Variants in TNN observed in about 807,000 individuals in gnomAD.
TNN encodes tenascin N.
TNN carries 122 observed loss-of-function variants against 134.4 expected under a neutral mutation model. The observed-to-expected ratio is 0.91, with a 90% CI of 0.78 to 1.06. The LOEUF is 1.06. TNN is among the 50% of genes least tolerant of loss of function. The pLI is 0.00. For missense variants in TNN, 1,739 were observed against 1,699.4 expected, an observed-to-expected ratio of 1.02 and a Z score of -0.41; for synonymous variants, 710 against 670.3, an observed-to-expected ratio of 1.06 and a Z score of -0.91.
intron 9 of TNN, among the ~76,000 whole-genome samples, chr1:175,098,875 T>A (rs744008): frequency 0.53 from 80,637 of 151,868 alleles, 22,097 homozygotes; most frequent in African/African-American, 0.69. Flanking sequence ...TAACTGCTTC[T>A]CCTTGACAAG....
chr1:175,117,007 C>T lies in TNN; in HGVS notation c.2188C>T (p.Pro730Ser), dbSNP rs766432540. 3 of 1,614,194 alleles carry T rather than the reference C, an allele frequency of 1.9e-6. No homozygotes were observed. In the Admixed American group the frequency reaches 5.0e-5, roughly 27 times the overall value. The change falls in exon 10 of 19, where the codon CCG becomes TCG. Residue 730 changes from proline to serine, a missense_variant. Transcript: ENST00000239462. ...GAATATGGCCACTGTCTCCTGGGAC[C>T]CGGTGCGGGCCACCATTGACAGGTA... ...TENMATVSWD[P>S]VRATIDRYVV...
chr1:175,072,421 T>A (rs1207186741), intron 1 of TNN, among the ~76,000 whole-genome samples: 1 of 152,190 alleles, frequency 6.6e-6, no homozygotes, highest in Non-Finnish European at 1.5e-5. Flanking sequence ...CAACTTTCCA[T>A]GGGAAAATAC....
At chr1:175,104,291 G>A (rs1313422148) in intron 9 of TNN, among the ~76,000 whole-genome samples, 2 of 145,144 alleles carry the variant, frequency 1.4e-5, no homozygotes, top group Admixed American at 6.9e-5. Flanking sequence ...ACATACCCAG[G>A]GCTCAGTGAG....
At chr1:175,132,791 C>T (rs1002477404) in intron 15 of TNN, among the ~76,000 whole-genome samples, 4 of 152,194 alleles carry the variant, frequency 2.6e-5, no homozygotes, top group Non-Finnish European at 4.4e-5. Flanking sequence ...TCCATGGTGC[C>T]CCACTCCTTG....
chr1:175,125,757 C>CTT (rs1421379380), intron 12 of TNN, among the ~76,000 whole-genome samples: 4 of 139,454 alleles, frequency 2.9e-5, no homozygotes, highest in African/African-American at 2.7e-5. Flanking sequence ...TTCTTTCTTT[C>CTT]TCTCTCTCTC....
At chr1:175,070,029 G>T (rs569637619) in intron 1 of TNN, among the ~76,000 whole-genome samples, 54 of 152,296 alleles carry the variant, frequency 3.5e-4, no homozygotes, top group Admixed American at 8.5e-4. Flanking sequence ...TCATTCTGGG[G>T]ACTGGCTGTT....
chr1:175,082,778 G>C (rs1251115068), intron 4 of TNN, among the ~76,000 whole-genome samples: 2 of 152,140 alleles, frequency 1.3e-5, no homozygotes, highest in African/African-American at 2.4e-5. Flanking sequence ...GTGGGGGCGT[G>C]ACTGATGAAG....
chr1:175,109,754 A>G (rs1033225601), intron 9 of TNN, among the ~76,000 whole-genome samples: 2 of 151,154 alleles, frequency 1.3e-5, no homozygotes, highest in African/African-American at 4.9e-5. Context: ...TTATCCATCC[A>G]CTAGTGGACA....
intron 1 of TNN, among the ~76,000 whole-genome samples, chr1:175,076,910 T>C (rs1359386522): frequency 6.6e-6 from 1 of 152,154 alleles, no homozygotes; most frequent in Admixed American, 6.6e-5. Context: ...CAACAAACAA[T>C]TGTGAGAATG....
chr1:175,113,324 G>A (rs990820707), intron 9 of TNN, among the ~76,000 whole-genome samples: 1 of 152,188 alleles, frequency 6.6e-6, no homozygotes, highest in African/African-American at 2.4e-5. Flanking sequence ...CTTGCTGGGT[G>A]TGGTATTCTC....
chr1:175,092,957 C>G (rs531458691), intron 6 of TNN, among the ~76,000 whole-genome samples: 76 of 152,324 alleles, frequency 5.0e-4, no homozygotes, highest in African/African-American at 1.8e-3. Context: ...ACCACTGAAG[C>G]AGCCTCCTGT....
At chr1:175,114,918 G>A (rs536410705) in intron 9 of TNN, among the ~76,000 whole-genome samples, 1 of 152,018 alleles carries the variant, frequency 6.6e-6, no homozygotes, top group African/African-American at 2.4e-5. Flanking sequence ...TCTCTGTAAG[G>A]CCAGATGCAG....
rs770161160 is a variant in TNN, at chr1:175,085,404, G to T, written c.1235-1G>T. The stretch of plus-strand genomic sequence containing the variant: ...ATCCTGCGCTGCCTGCTTGTTTCCA[G>T]GTCTGCACCCGGGGACTGAGTATAA... On this transcript the variant is annotated splice_acceptor_variant, in intron 5 of 18. Transcript: ENST00000239462. LOFTEE classifies it high-confidence loss of function. 1 of 1,607,132 alleles carries T rather than the reference G, an allele frequency of 6.2e-7. No homozygotes were observed. Among genetic ancestry groups the T allele is most frequent in the Middle Eastern group, 1.7e-4 (1 of 6,054 alleles).
intron 12 of TNN, among the ~76,000 whole-genome samples, chr1:175,125,703 C>T (rs369184371): frequency 2.1e-4 from 14 of 66,440 alleles, no homozygotes; most frequent in South Asian, 1.8e-3. Flanking sequence ...TCTTTTTTCT[C>T]TCTTTCTTTC....
intron 15 of TNN, among the ~76,000 whole-genome samples, chr1:175,134,299 C>A (rs188252308): frequency 4.5e-4 from 69 of 152,270 alleles, no homozygotes; most frequent in African/African-American, 1.7e-3. Context: ...CTCACACCTG[C>A]ACTTTGGGAG....
Position 175,127,098 on chromosome 1 carries a change from C to A in TNN, c.3045+13C>A, listed in dbSNP as rs779022920. The A allele has an allele frequency of 1.9e-5, 30 of 1,609,654 alleles. No individual in the cohort carries two copies. The highest frequency in any genetic ancestry group is 2.1e-5 in the Non-Finnish European group (25 of 1,178,732). ...TGGCACAGTTAAGGTACGGGGATTC[C>A]TTGTCTTTTCTCCTGGTGCCTTCTC... On this transcript the variant is annotated intron_variant, in intron 13 of 18. Transcript: ENST00000239462.
intron 1 of TNN, among the ~76,000 whole-genome samples, chr1:175,075,027 G>A (rs1674006664): frequency 6.6e-6 from 1 of 152,176 alleles, no homozygotes; most frequent in Non-Finnish European, 1.5e-5. Flanking sequence ...GGCAGCTCTG[G>A]GGATTAATTA....
intron 9 of TNN, among the ~76,000 whole-genome samples, chr1:175,114,736 GGAA>G (rs56006142): frequency 0.21 from 32,227 of 151,828 alleles, 3,546 homozygotes; most frequent in African/African-American, 0.25. Context: ...TTAACTTGGA[GGAA>G]GAAGAAGTGC....
chr1:175,104,549 C>T (rs1459075859), intron 9 of TNN, among the ~76,000 whole-genome samples: 3 of 145,904 alleles, frequency 2.1e-5, no homozygotes, highest in Admixed American at 6.9e-5. Flanking sequence ...ATTTTCTGAC[C>T]TCTCTGAACC....
Sources: allele counts gnomAD v4.1 joint callset (sites outside exome capture counted in the v4.1 genomes callset), GRCh38; gene constraint gnomAD v4.1.1; transcripts MANE v1.5; gene names NCBI Gene and HGNC (gene_info 2026-07-23, HGNC 2026-07-21).